Variants in TRMT11 observed in about 807,000 individuals in gnomAD.
TRMT11 encodes the protein tRNA (guanine(10)-N(2))-methyltransferase TRMT11.
Under a neutral mutation model 62.8 loss-of-function variants are expected in TRMT11, and 53 were observed. The ratio of observed to expected loss-of-function variants is 0.84; its 90% CI spans 0.68 to 1.06. The LOEUF is 1.06. TRMT11 is among the 50% of genes least tolerant of loss of function. The pLI is 0.00. For synonymous variants in TRMT11, 188 were observed against 190.3 expected (o/e 0.99, Z 0.10); for missense variants, 556 against 553.4 (o/e 1.00, Z -0.05).
chr6:126,046,782 T>C (rs1443211497), intron 16 of TRMT11, among the ~76,000 whole-genome samples: 1 of 152,214 alleles, frequency 6.6e-6, no homozygotes, highest in African/African-American at 2.4e-5. Context: ...CTTGTGGGTA[T>C]GACCTGTTGA....
Position 126,120,777 on chromosome 6 carries a change from A to G in TRMT11, c.*1823+4922A>G, listed in dbSNP as rs115263529. ...CCCCTGGAACTGGACAATGGTAGAA[A>G]TGTGCCAGAAGCAAAGGAAGCCTGT... On this transcript the variant is annotated intron_variant and NMD_transcript_variant, in intron 21 of 22. Transcript: ENST00000648977. Among the ~76,000 whole-genome samples, 594 of 152,262 alleles carry G rather than the reference A, an allele frequency of 3.9e-3. 4 individuals carry two copies. The highest frequency in any genetic ancestry group is 0.014 in the African/African-American group (579 of 41,578).
At chr6:126,122,322 G>A (rs1241440312) in intron 21 of TRMT11, among the ~76,000 whole-genome samples, 3 of 152,036 alleles carry the variant, frequency 2.0e-5, no homozygotes, top group Non-Finnish European at 2.9e-5. Context: ...AGCAGCCTTA[G>A]AAGAAAAAGT....
At chr6:126,158,775 A>T (rs1459196932) in intron 21 of TRMT11, among the ~76,000 whole-genome samples, 1 of 152,126 alleles carries the variant, frequency 6.6e-6, no homozygotes. Context: ...TCTATCTCCC[A>T]CCTGCTTTTG....
intron 1 of TRMT11, among the ~76,000 whole-genome samples, chr6:125,991,693 A>G (rs1160478758): frequency 6.6e-6 from 1 of 152,214 alleles, no homozygotes; most frequent in Non-Finnish European, 1.5e-5. Context: ...CAGCTACTGC[A>G]TTAGAACTGA....
intron 7 of TRMT11, among the ~76,000 whole-genome samples, chr6:126,000,276 C>G (rs1792251900): frequency 6.6e-6 from 1 of 152,060 alleles, no homozygotes; most frequent in Non-Finnish European, 1.5e-5. Flanking sequence ...TTGCCCATAC[C>G]CAGCAAATAC....
At chr6:126,033,404 T>G (rs1774577243) in intron 12 of TRMT11, among the ~76,000 whole-genome samples, 1 of 152,156 alleles carries the variant, frequency 6.6e-6, no homozygotes, top group African/African-American at 2.4e-5. Context: ...CGCTTTAGCA[T>G]CTTTTTGGGT....
intron 12 of TRMT11, among the ~76,000 whole-genome samples, chr6:126,034,233 T>C (rs1176362554): frequency 1.3e-5 from 2 of 152,174 alleles, no homozygotes; most frequent in East Asian, 3.8e-4. Context: ...TGGTAGATTA[T>C]TTAAACTCTT....
At chr6:126,091,920 C>G (rs1190812880) in intron 17 of TRMT11, among the ~76,000 whole-genome samples, 2 of 152,304 alleles carry the variant, frequency 1.3e-5, no homozygotes, top group East Asian at 3.9e-4. Flanking sequence ...CAAATTCTGA[C>G]TTCCTAAAAT....
intron 17 of TRMT11, among the ~76,000 whole-genome samples, chr6:126,087,710 T>A (rs541413026): frequency 6.6e-6 from 1 of 152,310 alleles, no homozygotes; most frequent in Admixed American, 6.5e-5. Flanking sequence ...GCTTTTAAAC[T>A]AGGTAGCCAC....
chr6:126,008,283 C>T (rs1793663142), intron 7 of TRMT11, 109 bp from the exon 8 acceptor site: 7 of 923,114 alleles, frequency 7.6e-6, no homozygotes, highest in Non-Finnish European at 1.3e-5. Context: ...CAATGTCATT[C>T]CAGGATACTC....
At chr6:125,994,410 C>G (rs1346545531) in intron 2 of TRMT11, among the ~76,000 whole-genome samples, 1 of 151,192 alleles carries the variant, frequency 6.6e-6, no homozygotes, top group African/African-American at 2.4e-5. Context: ...TAAGTTGTTA[C>G]TTGGCCTTTA....
chr6:126,151,838 C>CTTTCTTTCTTTCTTTCTTTG (rs1778050899), intron 21 of TRMT11, among the ~76,000 whole-genome samples: 1 of 129,484 alleles, frequency 7.7e-6, no homozygotes, highest in African/African-American at 3.0e-5. Context: ...TTCTTTCTTT[C>CTTTCTTTCTTTCTTTCTTTG]TTTCTTTCTT....
chr6:126,058,844 G>A (rs1003718709), intron 17 of TRMT11, among the ~76,000 whole-genome samples: 4 of 152,046 alleles, frequency 2.6e-5, no homozygotes, highest in African/African-American at 9.7e-5. Flanking sequence ...TAAATTCCTG[G>A]ACATATACAT....
In TRMT11 at chr6:126,147,233, G is replaced by A. The variant is rs367997497; in HGVS notation, c.*1824-27592G>A. 5.3e-5 allele frequency among the ~76,000 whole-genome samples: 8 copies of A among 152,250 alleles called. No homozygotes were observed. The East Asian group carries it at 9.7e-4, about 18-fold the overall frequency. On this transcript the variant is annotated intron_variant and NMD_transcript_variant, in intron 21 of 22. Transcript: ENST00000648977. ...ACTATAGAGTTTTAGAGCTATTTTT[G>A]TGGATTTTTTCGTTCTCTTTCCCCC...
At chr6:126,162,472 G>A (rs745308177) in intron 21 of TRMT11, among the ~76,000 whole-genome samples, 9 of 152,192 alleles carry the variant, frequency 5.9e-5, no homozygotes, top group Non-Finnish European at 7.3e-5. Flanking sequence ...TAGCCTTGTA[G>A]TATAGTTTGA....
At chr6:126,066,436 T>TTATG (rs1776693053) in intron 17 of TRMT11, among the ~76,000 whole-genome samples, 3 of 152,226 alleles carry the variant, frequency 2.0e-5, no homozygotes, top group Admixed American at 2.0e-4. Flanking sequence ...GCGCTCTTTG[T>TTATG]TATGTCCTCA....
chr6:126,196,445 A>G (rs909862268), intron 1 of TRMT11, among the ~76,000 whole-genome samples: 2 of 152,038 alleles, frequency 1.3e-5, no homozygotes, highest in African/African-American at 4.8e-5. Context: ...TCCCTCATCT[A>G]TCTGATTAAC....
At position 126,008,630 on chromosome 6, in the gene TRMT11, A is replaced by G. The variant is rs1222144498; in HGVS notation, c.760+158A>G. 6.8e-6 allele frequency: 5 copies of G among 732,962 alleles called. No homozygotes were observed. In the African/African-American group the frequency reaches 6.9e-5, roughly 10 times the overall value. 45.4% of individuals were successfully genotyped at this position (732,962 alleles called of 1,614,324 possible). A position where few individuals can be genotyped will look rare whatever the true frequency, so the allele number is the denominator to read the frequency against. On this transcript the variant is annotated intron_variant, in intron 8 of 12. Coordinates refer to ENST00000334379, the MANE Select transcript of TRMT11 (RefSeq NM_001031712.3). The stretch of plus-strand genomic sequence containing the variant: ...CTGCCCTCTTGAAACATCAAGGCCA[A>G]TCCCTCCACTTCCTCTTCCTCCTCA...
At chr6:126,079,822 A>T (rs765073042) in intron 17 of TRMT11, among the ~76,000 whole-genome samples, 1 of 152,186 alleles carries the variant, frequency 6.6e-6, no homozygotes, top group Non-Finnish European at 1.5e-5. Context: ...ATGACCATGG[A>T]GGATGTGCCA....
Sources: gnomAD v4.1 joint callset for allele counts (sites outside exome capture counted in the v4.1 genomes callset) on GRCh38, gnomAD v4.1.1 for gene constraint, MANE v1.5 for transcripts, NCBI Gene and HGNC (gene_info 2026-07-23, HGNC 2026-07-21) for gene names.